UBE3C: variants seen among roughly 807,000 people sequenced by gnomAD.
UBE3C encodes the protein ubiquitin-protein ligase E3C.
A neutral mutation model predicts 129.4 loss-of-function variants in UBE3C; 42 were observed. That is an observed-to-expected ratio of 0.32 (90% CI 0.25 to 0.42). The LOEUF (loss-of-function observed/expected upper bound fraction) is 0.42, where lower values mean the gene tolerates loss of function less well. Among genes scored for constraint, UBE3C ranks in the 10% least tolerant of loss-of-function variants. The pLI is 1.00. For synonymous variants in UBE3C, 510 were observed against 492.4 expected (o/e 1.04, Z -0.47); for missense variants, 1,049 against 1,319.1 (o/e 0.80, Z 3.17).
chr7:157,263,520 T>C (rs995896587), intron 22 of UBE3C, among the ~76,000 whole-genome samples: 6 of 152,014 alleles, frequency 3.9e-5, no homozygotes, highest in Non-Finnish European at 7.4e-5. Context: ...AAAAATTAGC[T>C]AGGTGTGATG....
At chr7:157,227,649 G>A (rs1196184536) in intron 17 of UBE3C, among the ~76,000 whole-genome samples, 2 of 151,734 alleles carry the variant, frequency 1.3e-5, no homozygotes, top group African/African-American at 4.8e-5. Flanking sequence ...GCAGTGAGCC[G>A]AGATCGCACC....
chr7:157,187,101 A>G, intron 10 of UBE3C, 80 bp downstream of exon 10: 1 of 1,445,576 alleles, frequency 6.9e-7, no homozygotes, highest in South Asian at 1.4e-5. Flanking sequence ...TCTCCTCTTA[A>G]GTTTTGTCTG....
rs146935930 is a variant in UBE3C, at chr7:157,186,215, G to A, written c.1144-619G>A. On this transcript the variant is annotated intron_variant, in intron 9 of 22. Transcript: ENST00000348165. ...GAGGCAGCTGGATCATTTGAGGTTA[G>A]GAGTTCGAGACCAGCCTGACCAACA... Among the ~76,000 whole-genome samples the A allele has an allele frequency of 2.2e-4, 33 of 152,162 alleles. No homozygotes were observed. The East Asian group carries it at 5.6e-3, about 26-fold the overall frequency.
intron 4 of UBE3C, among the ~76,000 whole-genome samples, chr7:157,170,923 C>T (rs963651080): frequency 1.1e-4 from 17 of 152,264 alleles, no homozygotes; most frequent in African/African-American, 4.1e-4. Flanking sequence ...CCTCCCACCT[C>T]AGCCTCCCAG....
At chr7:157,176,665 T>G (rs1247390278) in intron 5 of UBE3C, among the ~76,000 whole-genome samples, 3 of 152,224 alleles carry the variant, frequency 2.0e-5, no homozygotes, top group Admixed American at 6.5e-5. Context: ...TAAAATACAG[T>G]GTGTGACAGA....
intron 18 of UBE3C, among the ~76,000 whole-genome samples, chr7:157,245,605 T>C (rs1269334720): frequency 6.6e-6 from 1 of 152,222 alleles, no homozygotes; most frequent in Non-Finnish European, 1.5e-5. Flanking sequence ...TTTTTTGCTA[T>C]CTTTTCAAAA....
intron 10 of UBE3C, among the ~76,000 whole-genome samples, chr7:157,197,382 C>T (rs1422448172): frequency 6.6e-6 from 1 of 152,122 alleles, no homozygotes; most frequent in African/African-American, 2.4e-5. Flanking sequence ...TAAGCCAGTC[C>T]TTCAACTAAA....
Position 157,231,174 on chromosome 7 carries a change from T to C in UBE3C, c.2328T>C (p.Phe776=). Reference sequence around the variant, plus strand: ...ATGGTGGTGGTATTTTCAGAGAGTTTTTAAATGAACTACTGAAGTCAGGAT... The same window carrying C: ...ATGGTGGTGGTATTTTCAGAGAGTTCTTAAATGAACTACTGAAGTCAGGAT... The part of the protein sequence containing the change: ...GIDGGGIFRE[F]LNELLKSGFN... The change falls in exon 18 of 23, where the codon TTT becomes TTC. Residue 776 remains phenylalanine (F), a synonymous_variant. Transcript: ENST00000348165. 6.2e-7 allele frequency: 1 copy of C among 1,614,120 alleles called. No individual in the cohort carries two copies. The highest frequency in any genetic ancestry group is 1.1e-5 in the South Asian group (1 of 91,078).
intron 19 of UBE3C, 149 bp downstream of exon 19, chr7:157,248,729 C>A: frequency 1.3e-6 from 1 of 799,548 alleles, no homozygotes; most frequent in Non-Finnish European, 2.0e-6. Flanking sequence ...AAGCATATAG[C>A]TCCAAAGCAC....
chr7:157,217,497 C>A (rs1448523686), intron 14 of UBE3C, among the ~76,000 whole-genome samples: 3 of 151,630 alleles, frequency 2.0e-5, no homozygotes, highest in Non-Finnish European at 4.4e-5. Flanking sequence ...TTGAATATTA[C>A]TAATACCTAC....
chr7:157,152,291 A>G (rs1471797768), intron 1 of UBE3C, among the ~76,000 whole-genome samples: 5 of 152,140 alleles, frequency 3.3e-5, no homozygotes, highest in Admixed American at 6.5e-5. Context: ...ACACTAAGGC[A>G]TATTCAGGGA....
At chr7:157,142,381 TGAA>T (rs1209708475) in intron 1 of UBE3C, among the ~76,000 whole-genome samples, 2 of 152,326 alleles carry the variant, frequency 1.3e-5, no homozygotes, top group African/African-American at 2.4e-5. Flanking sequence ...AAGTCTGACT[TGAA>T]GAAGTTGATA....
At chr7:157,228,113 C>T (rs912448184) in intron 17 of UBE3C, among the ~76,000 whole-genome samples, 1 of 152,202 alleles carries the variant, frequency 6.6e-6, no homozygotes, top group South Asian at 2.1e-4. Flanking sequence ...GTCATCTAGT[C>T]ATTGAAGTGA....
intron 14 of UBE3C, among the ~76,000 whole-genome samples, chr7:157,219,833 A>AGGTT (rs1795688767): frequency 6.6e-6 from 1 of 151,974 alleles, no homozygotes; most frequent in African/African-American, 2.4e-5. Context: ...TGGGAGGCAG[A>AGGTT]GGTTGCAGTG....
intron 4 of UBE3C, among the ~76,000 whole-genome samples, chr7:157,171,678 ATATATATATTTTTTTTTTTTTTT>A (rs1169981131): frequency 5.6e-4 from 18 of 32,154 alleles, no homozygotes; most frequent in African/African-American, 1.6e-3. Context: ...ATATATATAT[ATATATATATTTTTTTTTTTTTTT>A]TTTTTTTTTT....
At chr7:157,158,358 C>T (rs1003426530) in intron 1 of UBE3C, among the ~76,000 whole-genome samples, 1 of 152,120 alleles carries the variant, frequency 6.6e-6, no homozygotes, top group Non-Finnish European at 1.5e-5. Flanking sequence ...TATTTTGAAA[C>T]CGTAAGCCAT....
intron 4 of UBE3C, among the ~76,000 whole-genome samples, chr7:157,171,658 T>TATA (rs1343407565): frequency 6.2e-5 from 4 of 64,736 alleles, no homozygotes; most frequent in African/African-American, 2.1e-4. Context: ...TTTTTAAATA[T>TATA]TTTATATATA....
chr7:157,255,736 A>T (rs1158918514), intron 21 of UBE3C, among the ~76,000 whole-genome samples: 1 of 152,348 alleles, frequency 6.6e-6, no homozygotes, highest in South Asian at 2.1e-4. Context: ...GTATATTAAC[A>T]ATGAGGGAAC....
At chr7:157,158,504 T>A (rs1443673693) in intron 1 of UBE3C, among the ~76,000 whole-genome samples, 2 of 152,142 alleles carry the variant, frequency 1.3e-5, no homozygotes, top group African/African-American at 2.4e-5. Context: ...ATTGGCCAAG[T>A]GGGAAGCTGC....
Sources: gnomAD v4.1 joint callset for allele counts (sites outside exome capture counted in the v4.1 genomes callset) on GRCh38, gnomAD v4.1.1 for gene constraint, MANE v1.5 for transcripts, NCBI Gene and HGNC (gene_info 2026-07-23, HGNC 2026-07-21) for gene names.